DIP2C: variants seen among roughly 807,000 people sequenced by gnomAD.
DIP2C encodes DIP2 acetate--CoA ligase C (putative), also known as disco-interacting protein 2 homolog C.
A neutral mutation model predicts 192.4 loss-of-function variants in DIP2C; 33 were observed. The observed-to-expected ratio is 0.17, with a 90% confidence interval of 0.13 to 0.23. The LOEUF (loss-of-function observed/expected upper bound fraction) is 0.23. DIP2C is among the 10% of genes least tolerant of loss of function. DIP2C has a pLI of 1.00. For missense variants in DIP2C, 1,537 were observed against 2,110.1 expected (o/e 0.73, Z 5.32); for synonymous variants, 979 against 864.1 (o/e 1.13, Z -2.33).
At chr10:304,362 GGTCT>G (rs1299390095) in intron 32 of DIP2C, among the ~76,000 whole-genome samples, 2 of 152,072 alleles carry the variant, frequency 1.3e-5, no homozygotes, top group East Asian at 3.8e-4. Flanking sequence ...GGACCACTGT[GGTCT>G]GTCATTGACA....
chr10:278,736 T>C (rs1954657668), intron 36 of DIP2C, among the ~76,000 whole-genome samples: 1 of 152,218 alleles, frequency 6.6e-6, no homozygotes, highest in Admixed American at 6.5e-5. Context: ...ACCAGAGGAT[T>C]AAGTCTGCCC....
chr10:558,343 CGA>C (rs770434601), intron 1 of DIP2C, among the ~76,000 whole-genome samples: 1 of 152,172 alleles, frequency 6.6e-6, no homozygotes, highest in Non-Finnish European at 1.5e-5. Flanking sequence ...TGGGAGGACT[CGA>C]GTCATGTGTG....
At chr10:625,840 G>T (rs1171220057) in intron 1 of DIP2C, among the ~76,000 whole-genome samples, 1 of 152,070 alleles carries the variant, frequency 6.6e-6, no homozygotes, top group Non-Finnish European at 1.5e-5. Flanking sequence ...TTAAATGAGG[G>T]CACCTAATTT....
At chr10:563,655 C>T (rs141809258) in intron 1 of DIP2C, among the ~76,000 whole-genome samples, 50 of 152,288 alleles carry the variant, frequency 3.3e-4, no homozygotes, top group African/African-American at 1.2e-3. Flanking sequence ...CATTTGTTAG[C>T]AAAGCAAGGA....
intron 31 of DIP2C, among the ~76,000 whole-genome samples, chr10:318,983 G>C (rs1284348607): frequency 6.6e-6 from 1 of 151,788 alleles, no homozygotes; most frequent in East Asian, 1.9e-4. Context: ...CACGATCTCG[G>C]CTCACTGCAA....
At chr10:326,245 G>A (rs1957267703) in intron 31 of DIP2C, among the ~76,000 whole-genome samples, 1 of 152,174 alleles carries the variant, frequency 6.6e-6, no homozygotes, top group Admixed American at 6.5e-5. Flanking sequence ...TTTCTGAAGT[G>A]ATCTCGGGAA....
chr10:290,512 T>C (rs1955437796), intron 32 of DIP2C, among the ~76,000 whole-genome samples: 2 of 152,184 alleles, frequency 1.3e-5, no homozygotes, highest in African/African-American at 4.8e-5. Flanking sequence ...CGGCAGGACA[T>C]GGCCATGCCA....
intron 3 of DIP2C, among the ~76,000 whole-genome samples, chr10:447,362 C>T (rs1968330598): frequency 1.3e-5 from 2 of 150,688 alleles, no homozygotes; most frequent in East Asian, 2.0e-4. Context: ...CAGCAGGACC[C>T]ACTCACCCCT....
intron 23 of DIP2C, among the ~76,000 whole-genome samples, chr10:357,518 C>T (rs1010229069): frequency 6.6e-6 from 1 of 152,328 alleles, no homozygotes; most frequent in East Asian, 1.9e-4. Flanking sequence ...ATTTCTGCAT[C>T]GCTGTGACAT....
intron 1 of DIP2C, among the ~76,000 whole-genome samples, chr10:564,285 C>T (rs1490300243): frequency 6.6e-6 from 1 of 151,802 alleles, no homozygotes; most frequent in African/African-American, 2.4e-5. Context: ...ACATAACCAT[C>T]CTCATCTCCT....
chr10:467,768 A>C (rs1970340413), intron 3 of DIP2C, among the ~76,000 whole-genome samples: 1 of 152,212 alleles, frequency 6.6e-6, no homozygotes. Context: ...ACACATGGAC[A>C]CAGGGAGGGG....
At chr10:300,653 G>A (rs1955990605) in intron 32 of DIP2C, among the ~76,000 whole-genome samples, 1 of 148,606 alleles carries the variant, frequency 6.7e-6, no homozygotes, top group Admixed American at 6.7e-5. Flanking sequence ...TGGAGAAGCC[G>A]GAACCCAGGC....
At chr10:555,925 C>G (rs1421634938) in intron 1 of DIP2C, among the ~76,000 whole-genome samples, 8 of 152,092 alleles carry the variant, frequency 5.3e-5, no homozygotes, top group African/African-American at 1.7e-4. Flanking sequence ...TTGCCCGGCC[C>G]TGCAGCAGCA....
At chr10:390,608 T>A in intron 11 of DIP2C, 132 bp downstream of exon 11, 2 of 1,459,492 alleles carry the variant, frequency 1.4e-6, no homozygotes, top group Non-Finnish European at 1.9e-6. Context: ...CGAGAACGCG[T>A]GAAAACTCGT....
At chr10:618,457 G>A (rs888914149) in intron 1 of DIP2C, among the ~76,000 whole-genome samples, 4 of 152,200 alleles carry the variant, frequency 2.6e-5, no homozygotes, top group African/African-American at 7.2e-5. Context: ...TTTCTCAAAT[G>A]CACAGCTGTC....
chr10:565,137 C>G (rs1378522715), intron 1 of DIP2C, among the ~76,000 whole-genome samples: 1 of 152,150 alleles, frequency 6.6e-6, no homozygotes, highest in Admixed American at 6.5e-5. Flanking sequence ...GCCTGGACCA[C>G]CCCTAGTCAG....
At chr10:390,942 C>T (rs1589685470) in intron 10 of DIP2C, 79 bp from the exon 11 acceptor site, 1 of 1,566,060 alleles carries the variant, frequency 6.4e-7, no homozygotes, top group East Asian at 2.2e-5. Flanking sequence ...CTCCAGCGTT[C>T]ACACAGACCC....
At chr10:309,416 G>A (rs954389276) in intron 32 of DIP2C, among the ~76,000 whole-genome samples, 3 of 152,152 alleles carry the variant, frequency 2.0e-5, no homozygotes, top group Admixed American at 6.5e-5. Flanking sequence ...GCAGGATGCT[G>A]ACATTCTACG....
In DIP2C at chr10:511,589, C is replaced by T. The variant is rs189016495; in HGVS notation, c.86-25059G>A. On this transcript the variant is annotated intron_variant, in intron 1 of 36. Transcript: ENST00000280886. The stretch of plus-strand genomic sequence containing the variant: ...TACCCATAAAGACTTAGAACTGTGG[C>T]TTCCCTAGAGGAACGTGGTGGGAGG... 2.8e-4 allele frequency among the ~76,000 whole-genome samples: 43 copies of T among 152,020 alleles called. 1 individual carries two copies. Among genetic ancestry groups the T allele is most frequent in the African/African-American group, 9.9e-4 (41 of 41,452 alleles).
Sources: gnomAD v4.1 joint callset for allele counts (sites outside exome capture counted in the v4.1 genomes callset) on GRCh38, gnomAD v4.1.1 for gene constraint, MANE v1.5 for transcripts, NCBI Gene and HGNC (gene_info 2026-07-23, HGNC 2026-07-21) for gene names.